Variants in SOAT1 observed in about 807,000 individuals in gnomAD.
SOAT1 encodes acyl-coenzyme A:cholesterol acyltransferase 1.
Under a neutral mutation model 69.5 loss-of-function variants are expected in SOAT1, and 55 were observed. The observed-to-expected ratio is 0.79, with a 90% CI of 0.64 to 0.99. SOAT1 has a LOEUF of 0.99. Ranked by LOEUF, SOAT1 falls within the 50% of genes least tolerant of loss-of-function variation. The pLI, the probability that SOAT1 is intolerant of heterozygous loss-of-function variation, is 0.00. For missense variants in SOAT1, 580 were observed against 669.3 expected (o/e 0.87, Z 1.47); for synonymous variants, 231 against 224.7 (o/e 1.03, Z -0.25).
chr1:179,341,170 TCTCATCCG>T lies in SOAT1; in HGVS notation c.643_650del (p.His215AspfsTer66). On this transcript the variant is annotated frameshift_variant, in exon 7 of 16. Coordinates refer to ENST00000367619, the MANE Select transcript of SOAT1 (RefSeq NM_003101.6). LOFTEE classifies it high-confidence loss of function. ...TTGGGCCACTGGCTATAGCAAGAGT[TCTCATCCG>T]CTGATCCGTTCTCTCTTCCATGGCT... The T allele has an allele frequency of 1.9e-6, 3 of 1,614,142 alleles. No individual in the cohort carries two copies. The highest frequency in any genetic ancestry group is 2.5e-6 in the Non-Finnish European group (3 of 1,180,020).
Position 179,341,250 on chromosome 1 carries a change from A to G in SOAT1, c.720A>G (p.Thr240=). 2 of 1,614,108 alleles carry G rather than the reference A, an allele frequency of 1.2e-6. No individual in the cohort carries two copies. Among genetic ancestry groups the G allele is most frequent in the South Asian group, 1.1e-5 (1 of 91,084 alleles). Residue 240 remains threonine (T), a synonymous_variant, in exon 7 of 16, where the codon ACA becomes ACG. Transcript: ENST00000367619. ...TTGGAGTTCTAGGTTTTGGACCAACATATGTTGTGTTAGCATATACACTGC... is the reference window on the plus strand; with the variant it reads ...TTGGAGTTCTAGGTTTTGGACCAACGTATGTTGTGTTAGCATATACACTGC... ...FQIGVLGFGP[T]YVVLAYTLPP...
rs1399964283 is a variant in SOAT1 at position 179,322,480 on chromosome 1, T to C, written c.119-957T>C. Among the ~76,000 whole-genome samples the C allele has an allele frequency of 2.6e-5, 4 of 152,104 alleles. No individual in the cohort carries two copies. In the East Asian group the frequency reaches 7.7e-4, roughly 29 times the overall value. ...TCACTGCAACCTCCGCCTCCCAGGT[T>C]CAAGTGATTCTCCTGCCTCAGCCTC... On this transcript the variant is annotated intron_variant, in intron 2 of 15. Coordinates refer to ENST00000367619, the MANE Select transcript of SOAT1 (RefSeq NM_003101.6).
chr1:179,325,654 T>G (rs1057126287), intron 3 of SOAT1, among the ~76,000 whole-genome samples: 99 of 152,292 alleles, frequency 6.5e-4, no homozygotes, highest in African/African-American at 2.3e-3. Context: ...AAAGTAAGTC[T>G]GTCTCTGCTA....
chr1:179,299,817 G>GC (rs1664773467), intron 1 of SOAT1, among the ~76,000 whole-genome samples: 1 of 124,814 alleles, frequency 8.0e-6, no homozygotes, highest in Non-Finnish European at 1.6e-5. Flanking sequence ...ACAGTGGTGT[G>GC]ATCTCAGCTC....
At chr1:179,348,705 A>AT in intron 12 of SOAT1, 139 bp from the exon 13 acceptor site, 1 of 608,812 alleles carries the variant, frequency 1.6e-6, no homozygotes. Context: ...GTATAATTTG[A>AT]TTTTTCTGTT....
At chr1:179,317,303 G>A (rs1665427079) in intron 2 of SOAT1, among the ~76,000 whole-genome samples, 1 of 152,174 alleles carries the variant, frequency 6.6e-6, no homozygotes, top group Non-Finnish European at 1.5e-5. Context: ...GAAGGCCGAG[G>A]CGGGCGGATC....
At chr1:179,348,597 A>G (rs1030811063) in intron 12 of SOAT1, among the ~76,000 whole-genome samples, 2 of 152,232 alleles carry the variant, frequency 1.3e-5, no homozygotes, top group African/African-American at 4.8e-5. Context: ...GAACTAAATC[A>G]TATATAGTAT....
chr1:179,297,218 TTCC>T (rs1169365133), intron 1 of SOAT1, among the ~76,000 whole-genome samples: 2 of 152,248 alleles, frequency 1.3e-5, no homozygotes, highest in Admixed American at 6.5e-5. Flanking sequence ...CTGTTTTCAC[TTCC>T]TCAACTTACT....
intron 2 of SOAT1, among the ~76,000 whole-genome samples, chr1:179,307,084 C>T (rs1374454307): frequency 2.0e-5 from 3 of 152,184 alleles, no homozygotes; most frequent in Non-Finnish European, 4.4e-5. Flanking sequence ...AAAATGAAGA[C>T]ATCTGTGCAG....
chr1:179,349,853 A>AT (rs1405605075), intron 13 of SOAT1, among the ~76,000 whole-genome samples: 1 of 152,196 alleles, frequency 6.6e-6, no homozygotes, highest in Non-Finnish European at 1.5e-5. Flanking sequence ...TTGTATTAAT[A>AT]TTTGAGTGCT....
intron 10 of SOAT1, among the ~76,000 whole-genome samples, 170 bp from the exon 11 acceptor site, chr1:179,344,777 T>C (rs1412865128): frequency 2.0e-5 from 3 of 152,188 alleles, no homozygotes; most frequent in African/African-American, 7.2e-5. Context: ...AAACTAGGCT[T>C]GAGTAATCTC....
chr1:179,346,863 G>T (rs1169336835), intron 11 of SOAT1, among the ~76,000 whole-genome samples: 1 of 151,934 alleles, frequency 6.6e-6, no homozygotes, highest in East Asian at 1.9e-4. Flanking sequence ...TGAGCCCCAG[G>T]AGTTGAAGTT....
chr1:179,300,291 A>G (rs1664792109), intron 1 of SOAT1, among the ~76,000 whole-genome samples: 2 of 151,894 alleles, frequency 1.3e-5, no homozygotes, highest in African/African-American at 4.8e-5. Flanking sequence ...TGTCCCTCAA[A>G]GTTTAGTTTT....
chr1:179,345,568 C>CTTTT (rs77132970), intron 11 of SOAT1, among the ~76,000 whole-genome samples: 2 of 144,640 alleles, frequency 1.4e-5, no homozygotes, highest in East Asian at 2.0e-4. Flanking sequence ...GTTTTCTTGC[C>CTTTT]TTTTTTTTTT....
At chr1:179,340,819 T>TGA (rs1331191284) in intron 6 of SOAT1, among the ~76,000 whole-genome samples, 10 of 26,168 alleles carry the variant, frequency 3.8e-4, no homozygotes, top group South Asian at 2.1e-3. Context: ...CATATATTGT[T>TGA]GATATATATA....
chr1:179,294,059 CG>C (rs1480462286), intron 1 of SOAT1, 123 bp downstream of exon 1: 1 of 142,928 alleles, frequency 7.0e-6, no homozygotes, highest in Non-Finnish European at 1.5e-5. Flanking sequence ...GGCTGTGCTG[CG>C]GAGAAGGCGA....
rs957296398 is a variant in SOAT1, at chr1:179,358,419, C to T, written c.*4778C>T. On this transcript the variant is annotated 3_prime_UTR_variant, in exon 16 of 16. Transcript: ENST00000367619. ...TCTTAATGAAATGGAAGCTGTACTT[C>T]CTGTTTGTTTTTAAATACTTTTGAA... The T allele has an allele frequency of 2.0e-5, 3 of 152,154 alleles. No homozygotes were observed. Among genetic ancestry groups the T allele is most frequent in the Non-Finnish European group, 4.4e-5 (3 of 68,024 alleles). 9.4% of individuals were successfully genotyped at this position (152,154 alleles called of 1,614,324 possible).
At chr1:179,352,077 C>CTT (rs80115110) in intron 15 of SOAT1, among the ~76,000 whole-genome samples, 3 of 144,778 alleles carry the variant, frequency 2.1e-5, no homozygotes, top group East Asian at 4.0e-4. Context: ...TAAAACATAC[C>CTT]TTTTTTTTTT....
rs377664266 is a variant in SOAT1 at position 179,345,030 on chromosome 1, C to A, written c.1071C>A (p.Phe357Leu). 1.9e-6 allele frequency: 3 copies of A among 1,613,858 alleles called. No homozygotes were observed. The African/African-American group carries it at 4.0e-5, about 22-fold the overall frequency. The change falls in exon 11 of 16, where the codon TTC becomes TTA. Residue 357 changes from phenylalanine to leucine, a missense_variant. By Grantham distance (22) the Phe-to-Leu change is conservative. Transcript: ENST00000367619. ...PLFRNIKQEP[F>L]SARVLVLCVF... ...TTCGGAATATCAAACAGGAGCCCTT[C>A]AGCGCTCGTGTTCTGGTCCTATGTG... is the stretch of plus-strand genomic sequence containing the variant.
Sources: allele counts gnomAD v4.1 joint callset (sites outside exome capture counted in the v4.1 genomes callset), GRCh38; gene constraint gnomAD v4.1.1; transcripts MANE v1.5; gene names NCBI Gene and HGNC (gene_info 2026-07-23, HGNC 2026-07-21).